The following PACS2 variants were observed in gnomAD, a reference collection of about 807,000 sequenced individuals.
The protein encoded by PACS2 is PACS1-like protein.
In PACS2, 36 loss-of-function variants were observed where a neutral mutation model predicts 113.0. The ratio of observed to expected loss-of-function variants is 0.32; its 90% CI spans 0.24 to 0.42. The LOEUF is 0.42. Ranked by LOEUF, PACS2 falls within the 10% of genes least tolerant of loss-of-function variation. The pLI is 1.00. For synonymous variants in PACS2, 589 were observed against 536.1 expected (o/e 1.10, Z -1.36); for missense variants, 1,015 against 1,239.5 (o/e 0.82, Z 2.72).
intron 4 of PACS2, among the ~76,000 whole-genome samples, chr14:105,361,512 C>G (rs1555406447): frequency 6.6e-6 from 1 of 152,028 alleles, no homozygotes; most frequent in Non-Finnish European, 1.5e-5. Flanking sequence ...TAGAGGACAC[C>G]TGTAATTCCA....
intron 22 of PACS2, 143 bp downstream of exon 22, chr14:105,391,909 G>A (rs1472119038): frequency 1.8e-5 from 15 of 831,676 alleles, no homozygotes; most frequent in African/African-American, 1.7e-4. Context: ...CTGCAGGACG[G>A]CTGGGTCCTC....
chr14:105,385,617 C>T (rs2081150342), intron 18 of PACS2, 68 bp from the exon 19 acceptor site: 22 of 1,100,906 alleles, frequency 2.0e-5, no homozygotes, highest in Middle Eastern at 4.2e-4. Context: ...GTGCCCTCGG[C>T]GGTCCCTGGA....
chr14:105,364,493 CGGGTGCGCGGTGGGCGGTGGCCT>C (rs1555407494), intron 4 of PACS2, among the ~76,000 whole-genome samples: 11 of 141,016 alleles, frequency 7.8e-5, no homozygotes, highest in Non-Finnish European at 9.3e-5. Flanking sequence ...GGTGGCGGCC[CGGGTGCGCGGTGGGCGGTGGCCT>C]GGGTGCGCGG....
chr14:105,365,477 C>T lies in PACS2; in HGVS notation c.424-1736C>T, dbSNP rs868923884. 2.0e-5 allele frequency among the ~76,000 whole-genome samples: 3 copies of T among 152,182 alleles called. No individual in the cohort carries two copies. Among genetic ancestry groups the T allele is most frequent in the Non-Finnish European group, 4.4e-5 (3 of 68,014 alleles). ...CTGCGGGCCCAGCAGAGCATTCCCA[C>T]TACAGCCAGCTCCAGGGATCCCGGC... is the stretch of plus-strand genomic sequence containing the variant. On this transcript the variant is annotated intron_variant, in intron 4 of 24. Coordinates refer to ENST00000447393, the MANE Select transcript of PACS2 (RefSeq NM_001100913.3). The surrounding 1 kb of genome is among the most constrained non-coding windows in gnomAD (Gnocchi z 5.1).
At chr14:105,338,415 G>C (rs901575251) in intron 1 of PACS2, among the ~76,000 whole-genome samples, 4 of 152,162 alleles carry the variant, frequency 2.6e-5, no homozygotes, top group African/African-American at 9.7e-5. Flanking sequence ...GGCGGTGGTG[G>C]GGCATTCCCA....
intron 1 of PACS2, among the ~76,000 whole-genome samples, chr14:105,305,660 T>C (rs1015290669): frequency 6.6e-6 from 1 of 152,188 alleles, no homozygotes; most frequent in Admixed American, 6.5e-5. Context: ...GCATAAAGAA[T>C]GGAGCCAGGT....
intron 2 of PACS2, among the ~76,000 whole-genome samples, chr14:105,349,871 GGA>G (rs1555403519): frequency 1.3e-4 from 20 of 148,416 alleles, no homozygotes; most frequent in African/African-American, 5.0e-4. Flanking sequence ...AGAACTTCCA[GGA>G]GAGCGTGGCT....
At chr14:105,321,331 C>T (rs1048419737) in intron 1 of PACS2, among the ~76,000 whole-genome samples, 3 of 123,618 alleles carry the variant, frequency 2.4e-5, no homozygotes, top group South Asian at 2.1e-4. Flanking sequence ...TAGATTGGTC[C>T]GGGTTTTCTA....
chr14:105,367,453 A>T, intron 5 of PACS2, 78 bp downstream of exon 5: 1 of 1,435,976 alleles, frequency 7.0e-7, no homozygotes, highest in Non-Finnish European at 9.8e-7. Flanking sequence ...CGGGTGGCAG[A>T]AACTGTCCAG....
In PACS2 at chr14:105,324,067, A is replaced by G. The variant is rs1388667990; in HGVS notation, c.119+9030A>G. Among the ~76,000 whole-genome samples the G allele has an allele frequency of 1.3e-5, 2 of 152,230 alleles. No individual in the cohort carries two copies. The highest frequency in any genetic ancestry group is 1.9e-4 in the East Asian group (1 of 5,198). Reference sequence around the variant, plus strand: ...GGCTTTTGTGCAGGAGATGGAGGGCAGGGGGCTACAGTGCCCTTGGACTAA... The same window carrying G: ...GGCTTTTGTGCAGGAGATGGAGGGCGGGGGGCTACAGTGCCCTTGGACTAA... On this transcript the variant is annotated intron_variant, in intron 1 of 24. Transcript: ENST00000447393. The surrounding 1 kb of genome is among the most constrained non-coding windows in gnomAD (Gnocchi z 4.7).
rs1555416207 is a variant in PACS2 at position 105,395,000 on chromosome 14, C to G, written c.*328C>G. 3.7e-6 allele frequency: 1 copy of G among 269,040 alleles called. No individual in the cohort carries two copies. Among genetic ancestry groups the G allele is most frequent in the Non-Finnish European group, 7.3e-6 (1 of 137,126 alleles). The allele number at this position is 269,040 out of a possible 1,614,324, so 16.7% of individuals were successfully genotyped here. A position where few individuals can be genotyped will look rare whatever the true frequency, so the allele number is the denominator to read the frequency against. ...TTCTTGCCTCTGTGTCCTGTCCTTC[C>G]TGGAAGTCAGGACTCTGCTTCCTCA... is the stretch of plus-strand genomic sequence containing the variant. On this transcript the variant is annotated 3_prime_UTR_variant, in exon 25 of 25. Coordinates refer to ENST00000447393, the MANE Select transcript of PACS2 (RefSeq NM_001100913.3).
chr14:105,378,988 G>C (rs2141222705), intron 9 of PACS2, among the ~76,000 whole-genome samples: 1 of 151,344 alleles, frequency 6.6e-6, no homozygotes, highest in African/African-American at 2.4e-5. Flanking sequence ...GCCTGGATCA[G>C]CCTGGGTGGT....
At chr14:105,349,875 AGC>A (rs2060093310) in intron 2 of PACS2, among the ~76,000 whole-genome samples, 3 of 89,286 alleles carry the variant, frequency 3.4e-5, no homozygotes, top group African/African-American at 1.2e-4. Flanking sequence ...CTTCCAGGAG[AGC>A]GTGGCTAATA....
At position 105,368,467 on chromosome 14, in the gene PACS2, C is replaced by T. The variant is rs782769811; in HGVS notation, c.669C>T (p.Asp223=). 1.2e-5 allele frequency: 19 copies of T among 1,613,490 alleles called. No individual in the cohort carries two copies. Among genetic ancestry groups the T allele is most frequent in the African/African-American group, 9.3e-5 (7 of 74,924 alleles). ...TGCATATGTCTCTGCAGGACTTGGA[C>T]GAGGACGACTTTGACGTGGGGAAGC... is the stretch of plus-strand genomic sequence containing the variant. ...SDDAVQGQDL[D]EDDFDVGKPK... The change falls in exon 7 of 25, where the codon GAC becomes GAT. Residue 223 remains aspartate (D), a synonymous_variant. Transcript: ENST00000447393.
upstream of PACS2, among the ~76,000 whole-genome samples, chr14:105,311,565 T>C (rs1249377077): frequency 6.6e-6 from 1 of 152,212 alleles, no homozygotes; most frequent in Non-Finnish European, 1.5e-5. Context: ...TGTTTTTAGC[T>C]ACTTTTAACT....
At chr14:105,394,195 G>A (rs1297490787) in intron 24 of PACS2, 8 of 985,378 alleles carry the variant, frequency 8.1e-6, no homozygotes, top group Non-Finnish European at 9.6e-6. Context: ...GTTTTAAGGG[G>A]GCTCCCACTG....
chr14:105,322,739 C>T (rs61996228), intron 1 of PACS2, among the ~76,000 whole-genome samples: 8,496 of 152,306 alleles, frequency 0.056, 363 homozygotes, highest in Non-Finnish European at 0.086. Flanking sequence ...GTTGTTACTG[C>T]TTTATACTGT....
intron 7 of PACS2, among the ~76,000 whole-genome samples, chr14:105,368,963 T>G (rs2061051374): frequency 6.6e-6 from 1 of 152,226 alleles, no homozygotes; most frequent in Non-Finnish European, 1.5e-5. Context: ...TCAGCATTTT[T>G]TCCCTGAGGA....
At chr14:105,333,425 A>G (rs1174413467) in intron 1 of PACS2, among the ~76,000 whole-genome samples, 1 of 152,150 alleles carries the variant, frequency 6.6e-6, no homozygotes, top group African/African-American at 2.4e-5. Flanking sequence ...GGGGTGCTGG[A>G]CAGACCCTCC....
Sources: allele counts gnomAD v4.1 joint callset (sites outside exome capture counted in the v4.1 genomes callset), GRCh38; gene constraint gnomAD v4.1.1; non-coding constraint Gnocchi (gnomAD v3.1); transcripts MANE v1.5; gene names NCBI Gene and HGNC (gene_info 2026-07-23, HGNC 2026-07-21).